USP42: variants seen among roughly 807,000 people sequenced by gnomAD.
USP42 encodes ubiquitin specific peptidase 42, also known as ubiquitin carboxyl-terminal hydrolase 42.
USP42 carries 23 observed loss-of-function variants against 113.0 expected under a neutral mutation model. That is an observed-to-expected ratio of 0.20 (90% CI 0.15 to 0.29). The LOEUF (loss-of-function observed/expected upper bound fraction) is 0.29, where lower values mean the gene tolerates loss of function less well. Among genes scored for constraint, USP42 ranks in the 10% least tolerant of loss-of-function variants. The probability of loss-of-function intolerance (pLI) is 1.00; values close to 1 mark genes in which losing one functional copy is unlikely to be tolerated. For synonymous variants in USP42, 933 were observed against 699.0 expected (o/e 1.33, Z -5.28); for missense variants, 2,174 against 1,779.8 (o/e 1.22, Z -3.99).
In USP42 at chr7:6,135,069, C is replaced by T. The variant is rs528408075; in HGVS notation, c.443-772C>T. Among the ~76,000 whole-genome samples, 23 of 152,298 alleles carry T rather than the reference C, an allele frequency of 1.5e-4. No homozygotes were observed. In the South Asian group the frequency reaches 4.8e-3, roughly 32 times the overall value. On this transcript the variant is annotated intron_variant, in intron 3 of 17. Transcript: ENST00000306177. Reference sequence around the variant, plus strand: ...CTTCCCAGAGTGCTGAGATGATAGGCATGAGCCATGGCGCCTGGCTTCCAC... The same window carrying T: ...CTTCCCAGAGTGCTGAGATGATAGGTATGAGCCATGGCGCCTGGCTTCCAC...
At chr7:6,147,603 CA>C in intron 11 of USP42, 135 bp from the exon 12 acceptor site, 1 of 935,798 alleles carries the variant, frequency 1.1e-6, no homozygotes, top group Non-Finnish European at 1.5e-6. Flanking sequence ...TGTATAGCTC[CA>C]TACTGTGTAG....
At position 6,157,513 on chromosome 7, in the gene USP42, T is replaced by C. The variant is rs1782525635; in HGVS notation, c.3943+458T>C. On this transcript the variant is annotated intron_variant, in intron 16 of 17. Transcript: ENST00000306177. The surrounding 1 kb of genome is among the most constrained non-coding windows in gnomAD (Gnocchi z 4.1). ...CCCAGGTTCATGCTGTTCTCCTGCC[T>C]CAGCCTCCTGAGTAGCCGGGACTAC... 1.9e-6 allele frequency: 1 copy of C among 534,556 alleles called. No individual in the cohort carries two copies. Among genetic ancestry groups the C allele is most frequent in the Admixed American group, 6.4e-5 (1 of 15,704 alleles). 33.1% of individuals were successfully genotyped at this position (534,556 alleles called of 1,614,324 possible).
chr7:6,111,006 G>A lies in USP42; in HGVS notation c.-9-119G>A, dbSNP rs1779569345. The stretch of plus-strand genomic sequence containing the variant: ...AAAGTACTATTGTTTTTATATTTGA[G>A]TGATGTGTTTGAAAATCACTTTAAA... On this transcript the variant is annotated intron_variant, in intron 1 of 17. Coordinates refer to ENST00000306177, the MANE Select transcript of USP42 (RefSeq NM_032172.3). 4 of 987,716 alleles carry A rather than the reference G, an allele frequency of 4.0e-6. No homozygotes were observed. In the African/African-American group the frequency reaches 4.9e-5, roughly 12 times the overall value. 61.2% of individuals were successfully genotyped at this position (987,716 alleles called of 1,614,324 possible).
chr7:6,097,396 T>C, the USP42 span, among the ~76,000 whole-genome samples: 1 of 145,834 alleles, frequency 6.9e-6, no homozygotes, highest in Non-Finnish European at 1.5e-5. Context: ...CTTTTTTTTT[T>C]TTTTTTTTTT....
intron 6 of USP42, 85 bp from the exon 7 acceptor site, chr7:6,140,829 C>T: frequency 1.2e-6 from 1 of 812,880 alleles, no homozygotes; most frequent in Non-Finnish European, 2.0e-6. Flanking sequence ...TTTTAAATTT[C>T]AAAATTGTAT....
intron 1 of USP42, among the ~76,000 whole-genome samples, chr7:6,108,543 C>G (rs552030458): frequency 2.4e-4 from 36 of 152,178 alleles, no homozygotes; most frequent in African/African-American, 8.7e-4. Flanking sequence ...TGCAGTGGCG[C>G]GATCTCAGCT....
At chr7:6,111,101 A>G (rs1292753966) in intron 1 of USP42, 24 bp from the exon 2 acceptor site, 1 of 1,597,526 alleles carries the variant, frequency 6.3e-7, no homozygotes, top group Non-Finnish European at 8.6e-7. Flanking sequence ...GATGAAACAA[A>G]TACATACTTT....
chr7:6,108,771 G>A lies in USP42; in HGVS notation c.-9-2354G>A, dbSNP rs1025014558. ...TGGGATTACAGGCGTGAGCCACTGC[G>A]CCCAGCCTCAATATTAAAAAAAAAA... On this transcript the variant is annotated intron_variant, in intron 1 of 17. Coordinates refer to ENST00000306177, the MANE Select transcript of USP42 (RefSeq NM_032172.3). Among the ~76,000 whole-genome samples the A allele has an allele frequency of 5.9e-5, 9 of 152,062 alleles. No individual in the cohort carries two copies. The South Asian group carries it at 8.3e-4, about 14-fold the overall frequency.
At chr7:6,135,717 G>T in intron 3 of USP42, 124 bp from the exon 4 acceptor site, 1 of 372,008 alleles carries the variant, frequency 2.7e-6, no homozygotes, top group East Asian at 4.4e-5. Context: ...AAAGTAGATA[G>T]CTCAAGGCAT....
rs1370740423 is a variant in USP42, at chr7:6,154,128, T to C, written c.2574T>C (p.Ala858=). 3 of 1,599,698 alleles carry C rather than the reference T, an allele frequency of 1.9e-6. No individual in the cohort carries two copies. The highest frequency in any genetic ancestry group is 1.7e-6 in the Non-Finnish European group (2 of 1,175,090). The change falls in exon 15 of 18, where the codon GCT becomes GCC. Residue 858 remains alanine, a synonymous_variant. Coordinates refer to ENST00000306177, the MANE Select transcript of USP42 (RefSeq NM_032172.3). ...AAGCCCCGGAAGGGTTGAGTCCGGC[T>C]CCGCCTGCGCGGTCGGAGGAGCCCT... is the stretch of plus-strand genomic sequence containing the variant. ...LAEAPEGLSP[A]PPARSEEPCE... is the part of the protein sequence containing the mutation.
At chr7:6,152,758 G>A (rs1162825361) in intron 14 of USP42, among the ~76,000 whole-genome samples, 12 of 152,314 alleles carry the variant, frequency 7.9e-5, no homozygotes, top group Middle Eastern at 3.4e-3. Flanking sequence ...AAAGCTCTGC[G>A]GGAATCAAAG....
At chr7:6,081,432 G>GC in the USP42 span, among the ~76,000 whole-genome samples, 2 of 152,162 alleles carry the variant, frequency 1.3e-5, no homozygotes, top group Non-Finnish European at 2.9e-5. Flanking sequence ...GCGCTCGCGG[G>GC]CCCCAGAACT....
intron 15 of USP42, among the ~76,000 whole-genome samples, chr7:6,155,691 T>G (rs1782407800): frequency 6.6e-6 from 1 of 152,212 alleles, no homozygotes; most frequent in Non-Finnish European, 1.5e-5. Flanking sequence ...CGGAGACACC[T>G]TCGTTTCCTC....
At chr7:6,143,963 T>A in intron 8 of USP42, 122 bp from the exon 9 acceptor site, 2 of 552,756 alleles carry the variant, frequency 3.6e-6, no homozygotes, top group Non-Finnish European at 3.1e-6. Flanking sequence ...GTGGTTCTCA[T>A]CCAGTGTCCT....
At chr7:6,152,649 T>C (rs1471517202) in intron 14 of USP42, among the ~76,000 whole-genome samples, 1 of 152,204 alleles carries the variant, frequency 6.6e-6, no homozygotes, top group Non-Finnish European at 1.5e-5. Context: ...CAGGGGACTC[T>C]GGCCTCACCT....
At chr7:6,092,053 C>CTTTTCTTCTTCTTCTTCTTCT in the USP42 span, among the ~76,000 whole-genome samples, 1 of 41,700 alleles carries the variant, frequency 2.4e-5, no homozygotes, top group Non-Finnish European at 5.9e-5. Context: ...TCTTCTTCTT[C>CTTTTCTTCTTCTTCTTCTTCT]TTTCTTCTTC....
intron 3 of USP42, among the ~76,000 whole-genome samples, chr7:6,123,981 G>T (rs935600001): frequency 6.6e-6 from 1 of 151,640 alleles, no homozygotes; most frequent in South Asian, 2.1e-4. Flanking sequence ...GTTCAACTCT[G>T]CCTCCTGCCT....
chr7:6,105,658 C>T (rs1294178711), intron 1 of USP42, among the ~76,000 whole-genome samples: 1 of 152,220 alleles, frequency 6.6e-6, no homozygotes. Flanking sequence ...GAGCGGCCAC[C>T]CCGAAGGGAG....
chr7:6,111,436 T>G, intron 2 of USP42, 62 bp downstream of exon 2: 1 of 1,570,886 alleles, frequency 6.4e-7, no homozygotes, highest in Admixed American at 1.8e-5. Flanking sequence ...TGCTGGGGCT[T>G]GGTGGTTTCA....
Sources: allele counts gnomAD v4.1 joint callset (sites outside exome capture counted in the v4.1 genomes callset), GRCh38; gene constraint gnomAD v4.1.1; non-coding constraint Gnocchi (gnomAD v3.1); transcripts MANE v1.5; gene names NCBI Gene and HGNC (gene_info 2026-07-23, HGNC 2026-07-21).